Variants in PRKD1 observed in about 807,000 individuals in gnomAD.
The protein encoded by PRKD1 is protein kinase D1.
PRKD1 carries 63 observed loss-of-function variants against 95.9 expected under a neutral mutation model. The ratio of observed to expected loss-of-function variants is 0.66; its 90% CI spans 0.54 to 0.81. The LOEUF (loss-of-function observed/expected upper bound fraction) is 0.81, where lower values mean the gene tolerates loss of function less well. Ranked by LOEUF, PRKD1 falls within the 30% of genes least tolerant of loss-of-function variation. The pLI, the probability that PRKD1 is intolerant of heterozygous loss-of-function variation, is 0.00. For missense variants in PRKD1, 1,048 were observed against 1,165.3 expected (o/e 0.90, Z 1.47); for synonymous variants, 425 against 423.1 (o/e 1.00, Z -0.05).
intron 13 of PRKD1, 41 bp downstream of exon 13, chr14:29,624,111 G>C (rs756924078): frequency 7.1e-7 from 1 of 1,414,306 alleles, no homozygotes; most frequent in Non-Finnish European, 9.8e-7. Flanking sequence ...AAGGATGAGG[G>C]ATTTTTATAC....
intron 2 of PRKD1, among the ~76,000 whole-genome samples, chr14:29,712,589 G>A (rs917832560): frequency 1.3e-5 from 2 of 152,178 alleles, no homozygotes; most frequent in Non-Finnish European, 2.9e-5. Context: ...AGCACTGGTA[G>A]CAGACTATAG....
intron 16 of PRKD1, among the ~76,000 whole-genome samples, chr14:29,590,802 A>AT (rs1893099358): frequency 6.6e-6 from 1 of 151,914 alleles, no homozygotes; most frequent in Admixed American, 6.6e-5. Flanking sequence ...TTATTTATTT[A>AT]TTTTTTGAGA....
chr14:29,874,594 A>G (rs1254170001), intron 1 of PRKD1, among the ~76,000 whole-genome samples: 1 of 152,202 alleles, frequency 6.6e-6, no homozygotes, highest in African/African-American at 2.4e-5. Context: ...CTAAGTGTCC[A>G]TCAATGGGCA....
chr14:29,613,993 T>C (rs753028546), intron 13 of PRKD1, among the ~76,000 whole-genome samples: 1 of 152,188 alleles, frequency 6.6e-6, no homozygotes, highest in Non-Finnish European at 1.5e-5. Flanking sequence ...CATGAATGAA[T>C]CCTAACAGTC....
intron 13 of PRKD1, among the ~76,000 whole-genome samples, chr14:29,612,820 C>T (rs913579193): frequency 6.6e-5 from 10 of 152,102 alleles, no homozygotes; most frequent in African/African-American, 1.9e-4. Context: ...TCATGTAGGG[C>T]GGGCACGGTG....
chr14:29,826,842 C>CATATATATATATATATAT (rs1192535083), intron 1 of PRKD1, among the ~76,000 whole-genome samples: 1 of 19,874 alleles, frequency 5.0e-5, no homozygotes, highest in African/African-American at 2.0e-4. Flanking sequence ...TATATATACA[C>CATATATATATATATATAT]ACATATATAT....
chr14:29,633,027 A>C, intron 8 of PRKD1, 81 bp from the exon 9 acceptor site: 1 of 1,278,156 alleles, frequency 7.8e-7, no homozygotes, highest in Non-Finnish European at 1.1e-6. Context: ...GATTTCCCCA[A>C]TAGGGACATG....
At chr14:29,675,816 C>A (rs1229863289) in intron 2 of PRKD1, among the ~76,000 whole-genome samples, 2 of 152,012 alleles carry the variant, frequency 1.3e-5, no homozygotes, top group Non-Finnish European at 1.5e-5. Context: ...AGGATGAGTT[C>A]ATGTCCTTTG....
At chr14:29,633,463 C>G (rs45481103) in intron 8 of PRKD1, among the ~76,000 whole-genome samples, 4 of 152,228 alleles carry the variant, frequency 2.6e-5, no homozygotes, top group African/African-American at 9.6e-5. Context: ...AGTTTGACTC[C>G]ATGACATCAA....
intron 1 of PRKD1, among the ~76,000 whole-genome samples, chr14:29,830,346 G>C (rs1241628173): frequency 6.6e-6 from 1 of 152,072 alleles, no homozygotes; most frequent in African/African-American, 2.4e-5. Flanking sequence ...GCCTTCGTTT[G>C]CCAAGAAGAC....
At chr14:29,755,517 A>T (rs1368559880) in intron 1 of PRKD1, among the ~76,000 whole-genome samples, 2 of 152,140 alleles carry the variant, frequency 1.3e-5, no homozygotes, top group Non-Finnish European at 2.9e-5. Context: ...GCCGGAAAAA[A>T]AACAAACTTA....
chr14:29,719,651 C>A (rs542074867), intron 2 of PRKD1, among the ~76,000 whole-genome samples: 20 of 152,300 alleles, frequency 1.3e-4, no homozygotes, highest in African/African-American at 4.8e-4. Context: ...TTTCAAATAT[C>A]TGACTTCTCT....
chr14:29,590,760 A>G lies in PRKD1; in HGVS notation c.2434+6731T>C, dbSNP rs1006421600. Among the ~76,000 whole-genome samples the G allele has an allele frequency of 3.3e-5, 5 of 152,244 alleles. No individual in the cohort carries two copies. The East Asian group carries it at 9.7e-4, about 29-fold the overall frequency. ...CCAAAGGAGAATTTAAGTGTTAAAG[A>G]GATTCTCTTTTCCTACATTCCTTTA... On this transcript the variant is annotated intron_variant, in intron 16 of 17. Coordinates refer to ENST00000331968, the MANE Select transcript of PRKD1 (RefSeq NM_002742.3).
At chr14:29,686,640 T>C (rs1594427690) in intron 2 of PRKD1, among the ~76,000 whole-genome samples, 1 of 152,202 alleles carries the variant, frequency 6.6e-6, no homozygotes, top group Non-Finnish European at 1.5e-5. Context: ...TTTGCCAGTA[T>C]TCCATGTGAC....
At chr14:29,791,837 TTAAG>T (rs998222437) in intron 1 of PRKD1, among the ~76,000 whole-genome samples, 2 of 152,158 alleles carry the variant, frequency 1.3e-5, no homozygotes, top group African/African-American at 2.4e-5. Flanking sequence ...TAAATTTCTC[TTAAG>T]TAAGTACATA....
intron 1 of PRKD1, among the ~76,000 whole-genome samples, chr14:29,842,670 G>T (rs1415103375): frequency 6.6e-6 from 1 of 152,208 alleles, no homozygotes; most frequent in Non-Finnish European, 1.5e-5. Flanking sequence ...CTGTTCTGGT[G>T]AAATGTTCCT....
intron 1 of PRKD1, among the ~76,000 whole-genome samples, chr14:29,821,688 T>C (rs1384510312): frequency 6.6e-6 from 1 of 152,216 alleles, no homozygotes; most frequent in African/African-American, 2.4e-5. Context: ...AAACTAATTC[T>C]TGAACACATT....
chr14:29,846,265 C>A (rs1324360431), intron 1 of PRKD1, among the ~76,000 whole-genome samples: 1 of 151,980 alleles, frequency 6.6e-6, no homozygotes, highest in African/African-American at 2.4e-5. Context: ...AATATAAATA[C>A]AATTTCAGGT....
At chr14:29,700,373 T>C (rs561906425) in intron 2 of PRKD1, among the ~76,000 whole-genome samples, 3 of 152,334 alleles carry the variant, frequency 2.0e-5, no homozygotes, top group East Asian at 1.9e-4. Context: ...TTGGTTATTA[T>C]GTCTCTTAAA....
Sources: gnomAD v4.1 joint callset for allele counts (sites outside exome capture counted in the v4.1 genomes callset) on GRCh38, gnomAD v4.1.1 for gene constraint, MANE v1.5 for transcripts, NCBI Gene and HGNC (gene_info 2026-07-23, HGNC 2026-07-21) for gene names.